LRRC8C: variants seen among roughly 807,000 people sequenced by gnomAD.
LRRC8C encodes volume-regulated anion channel subunit LRRC8C.
LRRC8C carries 20 observed loss-of-function variants against 55.3 expected under a neutral mutation model. That is an observed-to-expected ratio of 0.36 (90% CI 0.25 to 0.53). LRRC8C has a LOEUF of 0.53. Ranked by LOEUF, LRRC8C falls within the 20% of genes least tolerant of loss-of-function variation. The probability of loss-of-function intolerance (pLI) is 0.92; values close to 1 mark genes in which losing one functional copy is unlikely to be tolerated. For missense variants in LRRC8C, 659 were observed against 951.4 expected (o/e 0.69, Z 4.04); for synonymous variants, 376 against 360.7 (o/e 1.04, Z -0.48).
intron 2 of LRRC8C, among the ~76,000 whole-genome samples, chr1:89,697,495 C>T (rs1350391738): frequency 6.6e-6 from 1 of 152,166 alleles, no homozygotes; most frequent in African/African-American, 2.4e-5. Flanking sequence ...CTGGGCATTG[C>T]TTCAAAAAGA....
At chr1:89,700,338 G>A (rs1396480960) in intron 2 of LRRC8C, among the ~76,000 whole-genome samples, 2 of 152,138 alleles carry the variant, frequency 1.3e-5, no homozygotes, top group African/African-American at 2.4e-5. Context: ...TTGTGCTCTC[G>A]TTTGATTTTT....
At chr1:89,646,718 A>G (rs942336557) in intron 1 of LRRC8C, among the ~76,000 whole-genome samples, 1 of 152,144 alleles carries the variant, frequency 6.6e-6, no homozygotes, top group Non-Finnish European at 1.5e-5. Flanking sequence ...ATCTTCTCTC[A>G]TCACTTCCAT....
At chr1:89,646,462 G>A (rs902531181) in intron 1 of LRRC8C, among the ~76,000 whole-genome samples, 3 of 152,082 alleles carry the variant, frequency 2.0e-5, no homozygotes, top group Non-Finnish European at 2.9e-5. Flanking sequence ...TCCCAAGAAT[G>A]CAAGGTTGGT....
At chr1:89,693,995 G>A (rs938788858) in intron 2 of LRRC8C, among the ~76,000 whole-genome samples, 14 of 151,862 alleles carry the variant, frequency 9.2e-5, no homozygotes, top group Non-Finnish European at 1.6e-4. Flanking sequence ...TTACATCTCC[G>A]TTCTACTAGG....
intron 1 of LRRC8C, among the ~76,000 whole-genome samples, chr1:89,666,662 C>G (rs1170297340): frequency 6.6e-6 from 1 of 152,136 alleles, no homozygotes. Flanking sequence ...TCCCCAAAAC[C>G]AAGTGCACCT....
chr1:89,679,945 T>C (rs1246788473), intron 1 of LRRC8C, among the ~76,000 whole-genome samples: 1 of 152,142 alleles, frequency 6.6e-6, no homozygotes, highest in Non-Finnish European at 1.5e-5. Context: ...TAGAGCAGAA[T>C]ACATTCTGGG....
chr1:89,640,017 C>G (rs1000702996), intron 1 of LRRC8C, among the ~76,000 whole-genome samples: 3 of 152,200 alleles, frequency 2.0e-5, no homozygotes, highest in African/African-American at 4.8e-5. Context: ...GTAACAGTCA[C>G]TAAATAAACT....
chr1:89,706,056 C>T (rs569924196), intron 2 of LRRC8C, among the ~76,000 whole-genome samples: 2 of 152,150 alleles, frequency 1.3e-5, no homozygotes, highest in South Asian at 2.1e-4. Context: ...TAAAGTTTAT[C>T]GTGAAAGACA....
chr1:89,651,876 G>A (rs897851635), intron 1 of LRRC8C, among the ~76,000 whole-genome samples: 1 of 152,064 alleles, frequency 6.6e-6, no homozygotes, highest in African/African-American at 2.4e-5. Flanking sequence ...TAAATTCTTG[G>A]TTGACAGCTG....
chr1:89,710,736 G>A (rs1658628019), intron 2 of LRRC8C, among the ~76,000 whole-genome samples: 1 of 152,134 alleles, frequency 6.6e-6, no homozygotes, highest in Non-Finnish European at 1.5e-5. Flanking sequence ...CTCATTTCTT[G>A]TTATCTGCAT....
At chr1:89,642,587 C>T (rs1409145629) in intron 1 of LRRC8C, among the ~76,000 whole-genome samples, 1 of 152,008 alleles carries the variant, frequency 6.6e-6, no homozygotes, top group Non-Finnish European at 1.5e-5. Flanking sequence ...CAGTGGCTCA[C>T]GCCTGTAATC....
chr1:89,635,322 G>A (rs1656249048), intron 1 of LRRC8C, among the ~76,000 whole-genome samples: 1 of 152,130 alleles, frequency 6.6e-6, no homozygotes, highest in African/African-American at 2.4e-5. Flanking sequence ...AAAATGAAAT[G>A]AGGTGGAAAC....
intron 1 of LRRC8C, among the ~76,000 whole-genome samples, chr1:89,681,388 T>G (rs938310321): frequency 2.6e-5 from 4 of 152,232 alleles, no homozygotes; most frequent in African/African-American, 9.6e-5. Flanking sequence ...TCAAAAACAT[T>G]AAGGATTAAT....
chr1:89,708,159 C>T (rs1397383150), intron 2 of LRRC8C, among the ~76,000 whole-genome samples: 1 of 151,906 alleles, frequency 6.6e-6, no homozygotes, highest in Admixed American at 6.6e-5. Context: ...ACTCCATTCT[C>T]AAGCCTTTTT....
intron 1 of LRRC8C, among the ~76,000 whole-genome samples, chr1:89,651,538 A>G (rs896031632): frequency 7.3e-6 from 1 of 136,622 alleles, no homozygotes; most frequent in Non-Finnish European, 1.5e-5. Context: ...ACTGCACTCC[A>G]GTCTCGGTGA....
the LRRC8C span, among the ~76,000 whole-genome samples, chr1:89,618,079 A>T: frequency 3.3e-5 from 5 of 152,144 alleles, no homozygotes; most frequent in African/African-American, 1.2e-4. Context: ...AAATGATTAA[A>T]CTCAGTCTCC....
At chr1:89,695,610 T>C (rs1272673008) in intron 2 of LRRC8C, among the ~76,000 whole-genome samples, 1 of 152,238 alleles carries the variant, frequency 6.6e-6, no homozygotes, top group Non-Finnish European at 1.5e-5. Flanking sequence ...TTTATATTTT[T>C]AGAATTCTGC....
chr1:89,674,024 A>G (rs1385434482), intron 1 of LRRC8C, among the ~76,000 whole-genome samples: 1 of 152,210 alleles, frequency 6.6e-6, no homozygotes, highest in Non-Finnish European at 1.5e-5. Flanking sequence ...CCCTGCCACT[A>G]TTATTTATGT....
At chr1:89,646,484 A>G (rs1425370771) in intron 1 of LRRC8C, among the ~76,000 whole-genome samples, 1 of 152,162 alleles carries the variant, frequency 6.6e-6, no homozygotes, top group Non-Finnish European at 1.5e-5. Context: ...TAACATTCAA[A>G]AATCAATCAC....
Sources: allele counts gnomAD v4.1 joint callset (sites outside exome capture counted in the v4.1 genomes callset), GRCh38; gene constraint gnomAD v4.1.1; transcripts MANE v1.5; gene names NCBI Gene and HGNC (gene_info 2026-07-23, HGNC 2026-07-21).